The following NKAIN2 variants were observed in gnomAD, a reference collection of about 807,000 sequenced individuals.
NKAIN2 encodes sodium/potassium transporting ATPase interacting 2.
In NKAIN2, 14 loss-of-function variants were observed where a neutral mutation model predicts 32.6. The observed-to-expected ratio is 0.43, with a 90% CI of 0.28 to 0.67. NKAIN2 has a LOEUF of 0.67. Among genes scored for constraint, NKAIN2 ranks in the 30% least tolerant of loss-of-function variants. The pLI, the probability that NKAIN2 is intolerant of heterozygous loss-of-function variation, is 0.17. For synonymous variants in NKAIN2, 80 were observed against 87.2 expected (o/e 0.92, Z 0.46); for missense variants, 198 against 258.3 (o/e 0.77, Z 1.60).
At chr6:123,908,808 A>T (rs1415841689) in intron 1 of NKAIN2, among the ~76,000 whole-genome samples, 1 of 152,222 alleles carries the variant, frequency 6.6e-6, no homozygotes, top group Non-Finnish European at 1.5e-5. Flanking sequence ...TACTGAGTCT[A>T]TACAGAGGAC....
intron 3 of NKAIN2, among the ~76,000 whole-genome samples, chr6:124,382,292 A>G (rs1231429245): frequency 6.6e-6 from 1 of 151,192 alleles, no homozygotes; most frequent in Non-Finnish European, 1.5e-5. Flanking sequence ...GAAAGGAGAA[A>G]TTGATTTATG....
intron 1 of NKAIN2, among the ~76,000 whole-genome samples, chr6:123,976,216 A>G (rs991701903): frequency 6.8e-6 from 1 of 147,246 alleles, no homozygotes; most frequent in East Asian, 2.0e-4. Context: ...ATGGATTAAT[A>G]CAAGACACAA....
At chr6:124,527,441 A>T (rs1429968444) in intron 3 of NKAIN2, among the ~76,000 whole-genome samples, 1 of 152,210 alleles carries the variant, frequency 6.6e-6, no homozygotes, top group Non-Finnish European at 1.5e-5. Context: ...TAAATAATAA[A>T]TATTTCTGAA....
rs576022013 is a variant in NKAIN2 at position 124,277,443 on chromosome 6, G to C, written c.55-5562G>C. 1.3e-4 allele frequency among the ~76,000 whole-genome samples: 20 copies of C among 151,656 alleles called. No homozygotes were observed. In the East Asian group the frequency reaches 2.9e-3, roughly 22 times the overall value. On this transcript the variant is annotated intron_variant, in intron 1 of 6. Transcript: ENST00000368417. ...GTCTGTGTGTCGTGTGTGTGTGTGT[G>C]TGTGTGTGTGTGTGTATCTGTGTGT...
At chr6:124,060,303 C>T (rs772844856) in intron 1 of NKAIN2, among the ~76,000 whole-genome samples, 6 of 152,146 alleles carry the variant, frequency 3.9e-5, no homozygotes, top group Non-Finnish European at 5.9e-5. Flanking sequence ...TCTCAGAGCA[C>T]GTGTAAACCA....
At chr6:124,560,442 T>C (rs1237949890) in intron 3 of NKAIN2, among the ~76,000 whole-genome samples, 2 of 152,230 alleles carry the variant, frequency 1.3e-5, no homozygotes, top group African/African-American at 4.8e-5. Context: ...AGGTATGTCT[T>C]TGTTTTGCAG....
At chr6:124,215,205 GA>G (rs1429213093) in intron 1 of NKAIN2, among the ~76,000 whole-genome samples, 7 of 151,934 alleles carry the variant, frequency 4.6e-5, no homozygotes, top group African/African-American at 1.7e-4. Context: ...AAAATCAATA[GA>G]ACACTTGAAA....
At chr6:124,335,193 T>G (rs1797817262) in intron 2 of NKAIN2, among the ~76,000 whole-genome samples, 1 of 152,196 alleles carries the variant, frequency 6.6e-6, no homozygotes, top group South Asian at 2.1e-4. Context: ...ATTGGGAAGT[T>G]GTATTGTAGC....
intron 1 of NKAIN2, among the ~76,000 whole-genome samples, chr6:123,810,335 G>C (rs1196825447): frequency 6.6e-6 from 1 of 151,842 alleles, no homozygotes; most frequent in African/African-American, 2.4e-5. Flanking sequence ...CTTAAAGAAA[G>C]TAAGTACCTA....
intron 3 of NKAIN2, among the ~76,000 whole-genome samples, chr6:124,374,319 TG>T (rs1241515718): frequency 1.4e-4 from 21 of 150,490 alleles, no homozygotes; most frequent in Admixed American, 1.4e-3. Flanking sequence ...AAAAAAAAAA[TG>T]GAAAAGTGTA....
At chr6:124,510,162 G>A (rs1778656247) in intron 3 of NKAIN2, among the ~76,000 whole-genome samples, 1 of 147,440 alleles carries the variant, frequency 6.8e-6, no homozygotes, top group South Asian at 2.2e-4. Context: ...AAAAAAAAAA[G>A]ATAATATTTA....
intron 3 of NKAIN2, among the ~76,000 whole-genome samples, chr6:124,389,191 G>A (rs544629094): frequency 6.6e-6 from 1 of 152,042 alleles, no homozygotes; most frequent in Non-Finnish European, 1.5e-5. Context: ...AGTGTTTGCT[G>A]TGACTTTATA....
At position 124,346,433 on chromosome 6, in the gene NKAIN2, G is replaced by T. The variant is rs527680070; in HGVS notation, c.193-8834G>T. 5.3e-5 allele frequency among the ~76,000 whole-genome samples: 8 copies of T among 152,302 alleles called. No individual in the cohort carries two copies. In the South Asian group the frequency reaches 1.7e-3, roughly 32 times the overall value. On this transcript the variant is annotated intron_variant, in intron 2 of 6. Transcript: ENST00000368417. ...TGATCTGTCTAATGTTGACAGTGGG[G>T]TGTTAAAGTCTCCCATTGTTATTGT... is the stretch of plus-strand genomic sequence containing the variant.
chr6:124,345,077 T>G (rs1165009722), intron 2 of NKAIN2, among the ~76,000 whole-genome samples: 6 of 152,210 alleles, frequency 3.9e-5, no homozygotes. Flanking sequence ...CTTTTCTGCA[T>G]CTATTGAGAT....
chr6:124,350,239 C>T (rs1798653980), intron 2 of NKAIN2, among the ~76,000 whole-genome samples: 2 of 152,122 alleles, frequency 1.3e-5, no homozygotes, highest in South Asian at 2.1e-4. Flanking sequence ...GAAGTTTGTA[C>T]TGATCTTTAT....
At chr6:124,613,864 A>T (rs1434707298) in intron 3 of NKAIN2, among the ~76,000 whole-genome samples, 1 of 152,172 alleles carries the variant, frequency 6.6e-6, no homozygotes, top group Non-Finnish European at 1.5e-5. Flanking sequence ...CCTGCCTGAA[A>T]CCTAGAAGAT....
At chr6:123,984,301 A>C (rs1335274033) in intron 1 of NKAIN2, among the ~76,000 whole-genome samples, 1 of 152,004 alleles carries the variant, frequency 6.6e-6, no homozygotes, top group Admixed American at 6.6e-5. Flanking sequence ...GATTTTTTTT[A>C]TTAATAGCAG....
intron 1 of NKAIN2, among the ~76,000 whole-genome samples, chr6:124,014,077 G>A (rs921552730): frequency 1.1e-4 from 16 of 152,098 alleles, no homozygotes; most frequent in Non-Finnish European, 1.8e-4. Context: ...GGAAACTAAT[G>A]TATAATATAC....
chr6:124,497,973 A>C, intron 3 of NKAIN2, among the ~76,000 whole-genome samples: 1 of 152,154 alleles, frequency 6.6e-6, no homozygotes, highest in East Asian at 1.9e-4. Flanking sequence ...GTAAACATAA[A>C]AAATTATTAA....
Sources: allele counts gnomAD v4.1 joint callset (sites outside exome capture counted in the v4.1 genomes callset), GRCh38; gene constraint gnomAD v4.1.1; transcripts MANE v1.5; gene names NCBI Gene and HGNC (gene_info 2026-07-23, HGNC 2026-07-21).